The following ANKS1B variants were observed in gnomAD, a reference collection of about 807,000 sequenced individuals.
The protein encoded by ANKS1B is ankyrin repeat and sterile alpha motif domain containing 1B.
A neutral mutation model predicts 148.3 loss-of-function variants in ANKS1B; 36 were observed. That is an observed-to-expected ratio of 0.24 (90% CI 0.19 to 0.32). The LOEUF (loss-of-function observed/expected upper bound fraction) is 0.32. Ranked by LOEUF, ANKS1B falls within the 10% of genes least tolerant of loss-of-function variation. The probability of loss-of-function intolerance (pLI) is 1.00; values close to 1 mark genes in which losing one functional copy is unlikely to be tolerated. For missense variants in ANKS1B, 1,157 were observed against 1,542.6 expected, an observed-to-expected ratio of 0.75 and a Z score of 4.19; for synonymous variants, 542 against 560.8, an observed-to-expected ratio of 0.97 and a Z score of 0.47.
At chr12:98,837,576 G>A (rs2099381659) in intron 17 of ANKS1B, among the ~76,000 whole-genome samples, 2 of 152,092 alleles carry the variant, frequency 1.3e-5, no homozygotes, top group African/African-American at 4.8e-5. Context: ...TCAGCAACAG[G>A]AGAATAATCA....
intron 12 of ANKS1B, among the ~76,000 whole-genome samples, chr12:99,328,142 C>T (rs2086835972): frequency 6.6e-6 from 1 of 151,898 alleles, no homozygotes; most frequent in African/African-American, 2.4e-5. Flanking sequence ...CACTGAAAAG[C>T]AGGAAATGAA....
intron 16 of ANKS1B, among the ~76,000 whole-genome samples, chr12:99,055,174 T>C (rs2099968747): frequency 6.6e-6 from 1 of 152,196 alleles, no homozygotes; most frequent in Non-Finnish European, 1.5e-5. Flanking sequence ...ATATTGGGGC[T>C]GGGTACATTC....
chr12:99,621,379 A>C (rs896545514), intron 9 of ANKS1B, among the ~76,000 whole-genome samples: 4 of 151,938 alleles, frequency 2.6e-5, no homozygotes, highest in African/African-American at 9.7e-5. Context: ...TCACAATAAG[A>C]TCCAAACCTC....
At chr12:99,035,656 G>T (rs2099955065) in intron 17 of ANKS1B, among the ~76,000 whole-genome samples, 1 of 152,090 alleles carries the variant, frequency 6.6e-6, no homozygotes, top group Non-Finnish European at 1.5e-5. Flanking sequence ...AGGGCCAAGG[G>T]CAACTTTCTT....
chr12:99,795,067 A>C (rs11110044), intron 4 of ANKS1B, among the ~76,000 whole-genome samples: 17,264 of 151,906 alleles, frequency 0.11, 1,125 homozygotes, highest in African/African-American at 0.15. Context: ...TGAAAGATAG[A>C]ATAAAATAAG....
At chr12:99,096,267 C>T (rs941228399) in intron 15 of ANKS1B, among the ~76,000 whole-genome samples, 2 of 151,934 alleles carry the variant, frequency 1.3e-5, no homozygotes, top group African/African-American at 2.4e-5. Flanking sequence ...CAGTGAATGG[C>T]GATTATTGAA....
In ANKS1B at chr12:99,262,432, C is replaced by T. The variant is rs917695765; in HGVS notation, c.1757-15568G>A. Among the ~76,000 whole-genome samples, 3 of 151,878 alleles carry T rather than the reference C, an allele frequency of 2.0e-5. No individual in the cohort carries two copies. In the East Asian group the frequency reaches 5.8e-4, roughly 29 times the overall value. ...GTGAAGAAAAATTCAAGAGTGATATCAACATAGCTAAATGTTAACAGTGAT... is the reference window on the plus strand; with the variant it reads ...GTGAAGAAAAATTCAAGAGTGATATTAACATAGCTAAATGTTAACAGTGAT... On this transcript the variant is annotated intron_variant, in intron 12 of 26. Transcript: ENST00000683438.
chr12:98,830,703 A>G (rs1304033092), intron 18 of ANKS1B, among the ~76,000 whole-genome samples: 2 of 152,166 alleles, frequency 1.3e-5, no homozygotes, highest in African/African-American at 4.8e-5. Flanking sequence ...AGGACAAAAT[A>G]GAGAGCAGAG....
At chr12:99,142,532 G>A (rs1194755697) in intron 15 of ANKS1B, among the ~76,000 whole-genome samples, 2 of 152,106 alleles carry the variant, frequency 1.3e-5, no homozygotes, top group African/African-American at 4.8e-5. Flanking sequence ...CTCAGAGAGG[G>A]TAGAGAAGAA....
chr12:99,326,252 G>T (rs1447620561), intron 12 of ANKS1B, among the ~76,000 whole-genome samples: 8 of 151,902 alleles, frequency 5.3e-5, no homozygotes, highest in African/African-American at 1.9e-4. Context: ...CAGGTTTTTG[G>T]GATACTCAAG....
chr12:99,116,991 GCTCT>G lies in ANKS1B; in HGVS notation c.2527-31972_2527-31969del, dbSNP rs1004694627. 8.5e-5 allele frequency among the ~76,000 whole-genome samples: 13 copies of G among 152,172 alleles called. No individual in the cohort carries two copies. The East Asian group carries it at 2.3e-3, about 27-fold the overall frequency. On this transcript the variant is annotated intron_variant, in intron 15 of 26. Coordinates refer to ENST00000683438, the MANE Select transcript of ANKS1B (RefSeq NM_001352186.2). ...TGAATGGGAGTTCACTCATGATTTG[GCTCT>G]CTGTTTGTCTATTATTGGTGTATAG... is the stretch of plus-strand genomic sequence containing the variant.
intron 17 of ANKS1B, among the ~76,000 whole-genome samples, chr12:98,967,886 A>G (rs1316000332): frequency 1.3e-5 from 2 of 152,060 alleles, no homozygotes; most frequent in Non-Finnish European, 2.9e-5. Flanking sequence ...CCCGGGGAGT[A>G]CTGATTTATT....
At chr12:99,899,991 C>T (rs897407379) in intron 1 of ANKS1B, among the ~76,000 whole-genome samples, 2 of 151,778 alleles carry the variant, frequency 1.3e-5, no homozygotes, top group African/African-American at 2.4e-5. Context: ...CTCCGCTTCC[C>T]GGGTTCAAGC....
At chr12:99,623,295 C>A (rs1036077696) in intron 9 of ANKS1B, among the ~76,000 whole-genome samples, 3 of 151,470 alleles carry the variant, frequency 2.0e-5, no homozygotes, top group Non-Finnish European at 4.4e-5. Context: ...CCACAGCTAA[C>A]ATCATTCTGA....
At chr12:99,225,689 A>G (rs1184098885) in intron 14 of ANKS1B, among the ~76,000 whole-genome samples, 1 of 152,218 alleles carries the variant, frequency 6.6e-6, no homozygotes, top group Non-Finnish European at 1.5e-5. Flanking sequence ...CCCTGAAACA[A>G]CAGACTCCAG....
At chr12:98,899,329 T>C (rs1455687567) in intron 17 of ANKS1B, among the ~76,000 whole-genome samples, 1 of 152,218 alleles carries the variant, frequency 6.6e-6, no homozygotes, top group Non-Finnish European at 1.5e-5. Context: ...TACCAATATG[T>C]AGTACTTTTC....
At chr12:98,891,136 A>G (rs2099751787) in intron 17 of ANKS1B, among the ~76,000 whole-genome samples, 1 of 152,238 alleles carries the variant, frequency 6.6e-6, no homozygotes, top group African/African-American at 2.4e-5. Flanking sequence ...CCCAAAAAAC[A>G]AACACACTAT....
intron 9 of ANKS1B, among the ~76,000 whole-genome samples, chr12:99,626,155 C>T (rs749091994): frequency 6.6e-6 from 1 of 152,172 alleles, no homozygotes; most frequent in South Asian, 2.1e-4. Context: ...ACATGAAGAA[C>T]TAAAACATAT....
intron 25 of ANKS1B, among the ~76,000 whole-genome samples, chr12:98,752,306 TG>T (rs1168533335): frequency 6.6e-6 from 1 of 151,658 alleles, no homozygotes; most frequent in Non-Finnish European, 1.5e-5. Context: ...TCACCCAGGC[TG>T]GAGTGCAGTG....
Sources: gnomAD v4.1 joint callset for allele counts (sites outside exome capture counted in the v4.1 genomes callset) on GRCh38, gnomAD v4.1.1 for gene constraint, MANE v1.5 for transcripts, NCBI Gene and HGNC (gene_info 2026-07-23, HGNC 2026-07-21) for gene names.